The following AKAP13 variants were observed in gnomAD, a reference collection of about 807,000 sequenced individuals.
AKAP13 encodes A-kinase anchor protein 13.
AKAP13 carries 80 observed loss-of-function variants against 264.5 expected under a neutral mutation model. The observed-to-expected ratio is 0.30, with a 90% CI of 0.25 to 0.36. The LOEUF (loss-of-function observed/expected upper bound fraction) is 0.36, where lower values mean the gene tolerates loss of function less well. Among genes scored for constraint, AKAP13 ranks in the 10% least tolerant of loss-of-function variants. AKAP13 has a pLI of 1.00. For missense variants in AKAP13, 3,712 were observed against 3,435.2 expected (o/e 1.08, Z -2.01); for synonymous variants, 1,380 against 1,250.2 (o/e 1.10, Z -2.19).
In AKAP13 at chr15:85,726,497, T is replaced by C; in HGVS notation, c.6822+11T>C. On this transcript the variant is annotated intron_variant, in intron 27 of 36. Transcript: ENST00000394518. Reference sequence around the variant, plus strand: ...ATCTTTGCATCATTGGTAAGCTGAATTGTTATTTTTGTAATAGTATTATAA... The same window carrying C: ...ATCTTTGCATCATTGGTAAGCTGAACTGTTATTTTTGTAATAGTATTATAA... 1.3e-6 allele frequency: 2 copies of C among 1,599,890 alleles called. No individual in the cohort carries two copies. The highest frequency in any genetic ancestry group is 8.6e-7 in the Non-Finnish European group (1 of 1,167,612).
intron 5 of AKAP13, among the ~76,000 whole-genome samples, chr15:85,550,791 C>G (rs1213233994): frequency 6.6e-6 from 1 of 152,202 alleles, no homozygotes; most frequent in African/African-American, 2.4e-5. Flanking sequence ...CTGTCCATCC[C>G]TTTGTATCTG....
At chr15:85,744,555 G>C (rs1276816865) in intron 36 of AKAP13, 73 bp from the exon 37 acceptor site, 45 of 1,516,170 alleles carry the variant, frequency 3.0e-5, no homozygotes, top group Non-Finnish European at 3.0e-5. Flanking sequence ...AGAAGACTTT[G>C]GGATGGGGAG....
intron 5 of AKAP13, among the ~76,000 whole-genome samples, chr15:85,563,107 G>A (rs1017682010): frequency 6.6e-6 from 1 of 151,966 alleles, no homozygotes; most frequent in Non-Finnish European, 1.5e-5. Flanking sequence ...ATTCTACTCA[G>A]ACTTTAGCAC....
chr15:85,635,762 C>A (rs1226266404), intron 8 of AKAP13, among the ~76,000 whole-genome samples: 1 of 151,964 alleles, frequency 6.6e-6, no homozygotes, highest in Admixed American at 6.6e-5. Context: ...GATTTTAGAT[C>A]TTGGGGAGTT....
At chr15:85,631,514 A>T (rs1214997659) in intron 8 of AKAP13, among the ~76,000 whole-genome samples, 1,172 of 29,366 alleles carry the variant, frequency 0.04, 12 homozygotes, top group East Asian at 0.33. Context: ...ACACACACAC[A>T]CACACACACA....
At chr15:85,598,717 C>T (rs1191279468) in intron 8 of AKAP13, among the ~76,000 whole-genome samples, 1 of 152,062 alleles carries the variant, frequency 6.6e-6, no homozygotes, top group Non-Finnish European at 1.5e-5. Context: ...AGAAATGAAC[C>T]AGGAGTTGAC....
chr15:85,564,664 T>C (rs2078538912), intron 5 of AKAP13, among the ~76,000 whole-genome samples: 1 of 152,222 alleles, frequency 6.6e-6, no homozygotes, highest in Admixed American at 6.5e-5. Context: ...TTACTGCCAC[T>C]ACATTGGGTT....
intron 10 of AKAP13, among the ~76,000 whole-genome samples, chr15:85,646,930 T>C (rs1030797618): frequency 1.3e-5 from 2 of 152,224 alleles, no homozygotes; most frequent in Non-Finnish European, 2.9e-5. Context: ...CAAATGCTAC[T>C]CAATTATATG....
intron 30 of AKAP13, among the ~76,000 whole-genome samples, chr15:85,734,289 A>G (rs10163064): frequency 0.19 from 28,164 of 151,954 alleles, 2,848 homozygotes; most frequent in Non-Finnish European, 0.22. Context: ...AATATTTTCT[A>G]TTGCTCATTT....
At chr15:85,740,727 C>CAT (rs1200007042) in intron 34 of AKAP13, among the ~76,000 whole-genome samples, 2 of 147,098 alleles carry the variant, frequency 1.4e-5, no homozygotes, top group African/African-American at 2.6e-5. Context: ...ACTTCCAACA[C>CAT]ACACACACAC....
chr15:85,633,410 T>C (rs979130298), intron 8 of AKAP13, among the ~76,000 whole-genome samples: 1 of 151,962 alleles, frequency 6.6e-6, no homozygotes, highest in African/African-American at 2.4e-5. Flanking sequence ...AAAAGTGTAG[T>C]TTTGTATTGC....
chr15:85,513,146 C>T lies in AKAP13; in HGVS notation c.34-8282C>T, dbSNP rs1596383324. ...TGTAATTTTAGTTTAGTGATAAAAA[C>T]GTCTGTGGTGTTGTATTATTTATTT... On this transcript the variant is annotated intron_variant, in intron 2 of 36. Transcript: ENST00000394518. Among the ~76,000 whole-genome samples the T allele has an allele frequency of 3.3e-5, 5 of 152,242 alleles. 1 individual carries two copies. In the South Asian group the frequency reaches 8.3e-4, roughly 25 times the overall value.
intron 14 of AKAP13, among the ~76,000 whole-genome samples, chr15:85,681,865 T>C (rs893528953): frequency 1.3e-5 from 2 of 152,182 alleles, no homozygotes; most frequent in African/African-American, 4.8e-5. Context: ...GAATTAAACA[T>C]GCTTCATATG....
chr15:85,533,663 AG>A lies in AKAP13; in HGVS notation c.262del (p.Asp88ThrfsTer16). On this transcript the variant is annotated frameshift_variant, in exon 4 of 37. Transcript: ENST00000394518. LOFTEE classifies it high-confidence loss of function. ...GLPVFVVAEE[D>X]FHFVQDEAYD... ...TTCCCGTGTTTGTGGTGGCTGAAGA[AG>A]ACTTTCATTTCGTCCAGGATGAAGC... is the stretch of plus-strand genomic sequence containing the variant. 1 of 1,614,208 alleles carries A rather than the reference AG, an allele frequency of 6.2e-7. No homozygotes were observed. The highest frequency in any genetic ancestry group is 8.5e-7 in the Non-Finnish European group (1 of 1,180,034).
At chr15:85,575,724 T>C (rs1444802709) in intron 6 of AKAP13, among the ~76,000 whole-genome samples, 1 of 151,686 alleles carries the variant, frequency 6.6e-6, no homozygotes, top group African/African-American at 2.4e-5. Context: ...CCAGGCACAG[T>C]GGCTCATGCC....
chr15:85,686,913 A>T (rs1228263722), intron 16 of AKAP13, among the ~76,000 whole-genome samples: 1 of 152,204 alleles, frequency 6.6e-6, no homozygotes, highest in Non-Finnish European at 1.5e-5. Flanking sequence ...AAATGTTTTC[A>T]TTGTTTTTTA....
chr15:85,634,670 G>A (rs1289967088), intron 8 of AKAP13, among the ~76,000 whole-genome samples: 2 of 151,998 alleles, frequency 1.3e-5, no homozygotes, highest in African/African-American at 4.8e-5. Flanking sequence ...AATCACTACC[G>A]CATCATAATA....
intron 15 of AKAP13, 129 bp downstream of exon 15, chr15:85,682,341 A>T (rs547679788): frequency 2.1e-6 from 2 of 937,440 alleles, no homozygotes; most frequent in East Asian, 5.4e-5. Context: ...TAAACTTGGA[A>T]TAATGATTAA....
intron 13 of AKAP13, among the ~76,000 whole-genome samples, chr15:85,669,003 C>T (rs528579258): frequency 3.0e-4 from 46 of 151,958 alleles, no homozygotes; most frequent in East Asian, 9.7e-4. Flanking sequence ...TTTGGGAGGC[C>T]GAGGCAGGCG....
Sources: gnomAD v4.1 joint callset for allele counts (sites outside exome capture counted in the v4.1 genomes callset) on GRCh38, gnomAD v4.1.1 for gene constraint, MANE v1.5 for transcripts, NCBI Gene and HGNC (gene_info 2026-07-23, HGNC 2026-07-21) for gene names.